Variants in ARHGEF7 observed in about 807,000 individuals in gnomAD.
ARHGEF7 encodes Rho guanine nucleotide exchange factor 7.
Under a neutral mutation model 109.8 loss-of-function variants are expected in ARHGEF7, and 33 were observed. The ratio of observed to expected loss-of-function variants is 0.30; its 90% CI spans 0.23 to 0.40. The LOEUF (loss-of-function observed/expected upper bound fraction) is 0.40, where lower values mean the gene tolerates loss of function less well. ARHGEF7 is among the 10% of genes least tolerant of loss of function. The probability of loss-of-function intolerance (pLI) is 1.00; values close to 1 mark genes in which losing one functional copy is unlikely to be tolerated. For missense variants in ARHGEF7, 938 were observed against 1,098.5 expected (o/e 0.85, Z 2.07); for synonymous variants, 458 against 424.6 (o/e 1.08, Z -0.97).
intron 1 of ARHGEF7, chr13:111,153,673 G>C: frequency 8.1e-7 from 1 of 1,242,184 alleles, no homozygotes; most frequent in South Asian, 2.6e-5. Context: ...CTCACTTCCT[G>C]GTGCGGGAAG....
chr13:111,254,158 A>AC (rs2090130786), intron 8 of ARHGEF7, among the ~76,000 whole-genome samples: 2 of 152,384 alleles, frequency 1.3e-5, no homozygotes, highest in South Asian at 2.1e-4. Flanking sequence ...AATATGTTGT[A>AC]CATTTTCTGT....
intron 1 of ARHGEF7, among the ~76,000 whole-genome samples, chr13:111,122,468 A>G (rs1321329752): frequency 6.6e-6 from 1 of 152,118 alleles, no homozygotes; most frequent in Admixed American, 6.6e-5. Context: ...TTATATTTCT[A>G]ACTTTAGCTT....
intron 2 of ARHGEF7, among the ~76,000 whole-genome samples, chr13:111,166,550 T>C (rs2077146691): frequency 6.6e-6 from 1 of 152,216 alleles, no homozygotes. Flanking sequence ...CCCGTCAGCA[T>C]AGGTAGCAGG....
intron 8 of ARHGEF7, among the ~76,000 whole-genome samples, chr13:111,253,852 G>A (rs1474626350): frequency 1.3e-5 from 2 of 152,142 alleles, no homozygotes; most frequent in Admixed American, 6.5e-5. Context: ...ATGACCTCTC[G>A]CAACCCAGTT....
At chr13:111,117,595 G>C (rs1159830003) in intron 1 of ARHGEF7, among the ~76,000 whole-genome samples, 1 of 152,228 alleles carries the variant, frequency 6.6e-6, no homozygotes, top group African/African-American at 2.4e-5. Flanking sequence ...TTCTGCCTCT[G>C]AGATCCCTGT....
At chr13:111,182,268 T>C (rs2078822274) in intron 2 of ARHGEF7, 1 of 152,460 alleles carries the variant, frequency 6.6e-6, no homozygotes, top group Admixed American at 6.5e-5. Flanking sequence ...ACTCTTTTCC[T>C]CTGTACCTAA....
intron 2 of ARHGEF7, among the ~76,000 whole-genome samples, chr13:111,160,551 G>T (rs879650460): frequency 2.0e-5 from 3 of 152,106 alleles, no homozygotes; most frequent in Non-Finnish European, 2.9e-5. Flanking sequence ...TCTAGGGAGA[G>T]ACCTAGGGAG....
At chr13:111,153,796 C>T in intron 1 of ARHGEF7, 109 bp from the exon 2 acceptor site, 1 of 1,400,308 alleles carries the variant, frequency 7.1e-7, no homozygotes, top group Non-Finnish European at 9.2e-7. Flanking sequence ...GGGCCGCTCG[C>T]CAGCGTCGCC....
intron 1 of ARHGEF7, among the ~76,000 whole-genome samples, chr13:111,139,711 C>G (rs2075262583): frequency 6.6e-6 from 1 of 152,232 alleles, no homozygotes; most frequent in Non-Finnish European, 1.5e-5. Flanking sequence ...TGCGATTTTC[C>G]TTAGTGATAG....
chr13:111,285,604 C>T (rs1329488895), intron 16 of ARHGEF7, among the ~76,000 whole-genome samples: 3 of 152,216 alleles, frequency 2.0e-5, no homozygotes, highest in East Asian at 3.9e-4. Flanking sequence ...CCTGGCCGAG[C>T]TTGGCTGTGC....
In ARHGEF7 at chr13:111,267,568, G is replaced by C; in HGVS notation, c.971G>C (p.Arg324Thr). ...ECTKLPEAQQRVGGCFLNLMP... is the reference protein window; with the variant it reads ...ECTKLPEAQQTVGGCFLNLMP... ...TCCAGGTTGCCCGAAGCTCAGCAGAGAGTCGGAGGCTGCTTTTTAAACCTG... is the reference window on the plus strand; with the variant it reads ...TCCAGGTTGCCCGAAGCTCAGCAGACAGTCGGAGGCTGCTTTTTAAACCTG... Residue 324 changes from arginine to threonine, a missense_variant, in exon 9 of 22, where the codon AGA (arginine) becomes ACA (threonine). Coordinates refer to ENST00000646102, the MANE Select transcript of ARHGEF7 (RefSeq NM_001354046.2). The C allele has an allele frequency of 6.2e-7, 1 of 1,614,052 alleles. No individual in the cohort carries two copies. The highest frequency in any genetic ancestry group is 8.5e-7 in the Non-Finnish European group (1 of 1,179,934).
At chr13:111,164,584 C>G (rs1037684487) in intron 2 of ARHGEF7, among the ~76,000 whole-genome samples, 2 of 152,228 alleles carry the variant, frequency 1.3e-5, no homozygotes, top group African/African-American at 4.8e-5. Flanking sequence ...GTGCTGGACC[C>G]TGCAATTGAG....
At chr13:111,296,595 T>A (rs950137858) in intron 19 of ARHGEF7, among the ~76,000 whole-genome samples, 2 of 152,236 alleles carry the variant, frequency 1.3e-5, no homozygotes, top group African/African-American at 4.8e-5. Context: ...CAACCAGCTG[T>A]TTTGTGTATG....
chr13:111,226,528 A>G lies in ARHGEF7; in HGVS notation c.671-6677A>G, dbSNP rs185443914. Among the ~76,000 whole-genome samples the G allele has an allele frequency of 2.9e-3, 435 of 152,330 alleles. 4 individuals are homozygous for G. The highest frequency in any genetic ancestry group is 5.1e-3 in the Non-Finnish European group (347 of 68,026). Reference sequence around the variant, plus strand: ...TGTAAGTTAGAACAACAAAGCCTGGATGGTGGCACATCTGCTTGTGTCATG... The same window carrying G: ...TGTAAGTTAGAACAACAAAGCCTGGGTGGTGGCACATCTGCTTGTGTCATG... On this transcript the variant is annotated intron_variant, in intron 5 of 21. Coordinates refer to ENST00000646102, the MANE Select transcript of ARHGEF7 (RefSeq NM_001354046.2).
chr13:111,129,367 G>C (rs1352902067), intron 1 of ARHGEF7, among the ~76,000 whole-genome samples: 1 of 152,040 alleles, frequency 6.6e-6, no homozygotes, highest in Non-Finnish European at 1.5e-5. Flanking sequence ...AAAAGAAAGA[G>C]TGGACAAATT....
At position 111,303,035 on chromosome 13, in the gene ARHGEF7, C is replaced by T. The variant is rs1424987633; in HGVS notation, c.2511C>T (p.Ala837=). Residue 837 remains alanine, a synonymous_variant, in exon 22 of 22, where the codon GCC becomes GCT. Transcript: ENST00000646102. ...AATCTCTAGAGGAAGAACAGAGAGC[C>T]CGCAAAGACCTGGAGAAGCTGGTGA... The part of the protein sequence containing the change: ...MKKSLEEEQR[A]RKDLEKLVRK... The T allele has an allele frequency of 1.2e-6, 2 of 1,614,046 alleles. No homozygotes were observed. The highest frequency in any genetic ancestry group is 2.7e-5 in the African/African-American group (2 of 74,938).
chr13:111,261,369 G>T (rs752446826), intron 8 of ARHGEF7, among the ~76,000 whole-genome samples: 1 of 152,140 alleles, frequency 6.6e-6, no homozygotes, highest in Non-Finnish European at 1.5e-5. Flanking sequence ...TAGAGACAAA[G>T]AAAGTCATTA....
At chr13:111,120,438 C>A (rs145165441) in intron 1 of ARHGEF7, among the ~76,000 whole-genome samples, 1,838 of 152,276 alleles carry the variant, frequency 0.012, 49 homozygotes, top group African/African-American at 0.041. Context: ...CATGCCTGCA[C>A]AAACATGCAC....
At chr13:111,243,785 A>G (rs758217418) in intron 6 of ARHGEF7, 87 bp from the exon 7 acceptor site, 11 of 794,506 alleles carry the variant, frequency 1.4e-5, no homozygotes, top group Middle Eastern at 3.5e-4. Context: ...GAATTGAACA[A>G]TGGCGATGAA....
Sources: gnomAD v4.1 joint callset for allele counts (sites outside exome capture counted in the v4.1 genomes callset) on GRCh38, gnomAD v4.1.1 for gene constraint, MANE v1.5 for transcripts, NCBI Gene and HGNC (gene_info 2026-07-23, HGNC 2026-07-21) for gene names.